The following PEAK1 variants were observed in gnomAD, a reference collection of about 807,000 sequenced individuals.
The protein encoded by PEAK1 is inactive tyrosine-protein kinase PEAK1.
A neutral mutation model predicts 124.7 loss-of-function variants in PEAK1; 54 were observed. The ratio of observed to expected loss-of-function variants is 0.43; its 90% confidence interval spans 0.35 to 0.54. The LOEUF (loss-of-function observed/expected upper bound fraction) is 0.54. Ranked by LOEUF, PEAK1 falls within the 20% of genes least tolerant of loss-of-function variation. The probability of loss-of-function intolerance (pLI) is 0.01; values close to 1 mark genes in which losing one functional copy is unlikely to be tolerated. For missense variants in PEAK1, 2,046 were observed against 2,134.5 expected, an observed-to-expected ratio of 0.96 and a Z score of 0.82; for synonymous variants, 719 against 760.0, an observed-to-expected ratio of 0.95 and a Z score of 0.89.
chr15:77,180,200 G>A lies in PEAK1; in HGVS notation c.1727C>T (p.Thr576Ile), dbSNP rs755314377. ...HKSAPTSPTATNISSKTIPVK... is the reference protein window; with the variant it reads ...HKSAPTSPTAINISSKTIPVK... ...AGGGATGGTTTTGGAGGAAATGTTT[G>A]TAGCTGTGGGTGATGTAGGTGCTGA... Residue 576 changes from threonine (T) to isoleucine (I), a missense_variant, in exon 7 of 10, where the codon ACA (threonine) becomes ATA (isoleucine). By Grantham distance (89) the Thr-to-Ile change is moderately conservative. Transcript: ENST00000682557. The A allele has an allele frequency of 6.2e-7, 1 of 1,614,206 alleles. No homozygotes were observed. Among genetic ancestry groups the A allele is most frequent in the Non-Finnish European group, 8.5e-7 (1 of 1,180,030 alleles).
chr15:77,185,742 T>C (rs2057513391), intron 6 of PEAK1, among the ~76,000 whole-genome samples: 1 of 152,170 alleles, frequency 6.6e-6, no homozygotes, highest in Non-Finnish European at 1.5e-5. Flanking sequence ...AGGATTTCCT[T>C]ATTTTAAGAT....
At chr15:77,397,212 G>C (rs1018387720) in intron 1 of PEAK1, among the ~76,000 whole-genome samples, 2 of 152,136 alleles carry the variant, frequency 1.3e-5, no homozygotes, top group African/African-American at 4.8e-5. Context: ...TGAATGACCA[G>C]TGGGTCAATG....
At chr15:77,291,809 C>G (rs1475935358) in intron 2 of PEAK1, among the ~76,000 whole-genome samples, 1 of 151,932 alleles carries the variant, frequency 6.6e-6, no homozygotes, top group Non-Finnish European at 1.5e-5. Flanking sequence ...AACCCCAACT[C>G]TACTAAAAAT....
At chr15:77,403,574 G>A in intron 1 of PEAK1, 3 of 967,582 alleles carry the variant, frequency 3.1e-6, no homozygotes, top group Non-Finnish European at 3.7e-6. Context: ...CATATATTCA[G>A]CCTCTGAGTC....
intron 1 of PEAK1, chr15:77,419,058 G>A (rs901817663): frequency 6.1e-6 from 6 of 985,368 alleles, no homozygotes; most frequent in African/African-American, 3.5e-5. Context: ...CAATAAAGAT[G>A]AAATCATAGT....
chr15:77,331,707 C>T (rs2065900570), intron 2 of PEAK1, among the ~76,000 whole-genome samples: 1 of 151,964 alleles, frequency 6.6e-6, no homozygotes, highest in African/African-American at 2.4e-5. Context: ...ACCTCCGCCT[C>T]CTGGGTCCAA....
chr15:77,315,760 C>T (rs2064831531), intron 2 of PEAK1, among the ~76,000 whole-genome samples: 1 of 151,748 alleles, frequency 6.6e-6, no homozygotes, highest in African/African-American at 2.4e-5. Context: ...TACAATATCC[C>T]TCACCAGTAC....
At chr15:77,332,252 T>C (rs2065933287) in intron 2 of PEAK1, 4 of 985,228 alleles carry the variant, frequency 4.1e-6, no homozygotes, top group Non-Finnish European at 2.4e-6. Context: ...AGTTGATTTT[T>C]TTCCCCCTGA....
intron 5 of PEAK1, among the ~76,000 whole-genome samples, chr15:77,257,942 A>G (rs568130152): frequency 2.0e-5 from 3 of 152,308 alleles, no homozygotes; most frequent in African/African-American, 7.2e-5. Context: ...AGCTTTCTAC[A>G]TATAGCTAGC....
intron 2 of PEAK1, among the ~76,000 whole-genome samples, chr15:77,318,715 CCTATT>C (rs1457522498): frequency 5.3e-5 from 8 of 151,374 alleles, no homozygotes; most frequent in African/African-American, 1.5e-4. Context: ...AGAATAAATA[CCTATT>C]CTAATTCTCC....
chr15:77,177,647 G>A (rs1016998275), intron 7 of PEAK1, among the ~76,000 whole-genome samples: 5 of 152,010 alleles, frequency 3.3e-5, no homozygotes, highest in African/African-American at 1.2e-4. Flanking sequence ...TAAGTAAGGA[G>A]GGAGAAGGAC....
intron 5 of PEAK1, among the ~76,000 whole-genome samples, chr15:77,281,349 CA>C (rs1436684487): frequency 6.6e-6 from 1 of 151,976 alleles, no homozygotes; most frequent in Non-Finnish European, 1.5e-5. Context: ...TCAATATAAT[CA>C]AAAAAATTTT....
chr15:77,313,658 G>C (rs1010077311), intron 2 of PEAK1, among the ~76,000 whole-genome samples: 2 of 104,186 alleles, frequency 1.9e-5, no homozygotes, highest in Non-Finnish European at 3.7e-5. Context: ...ATGTATGTGT[G>C]TGTGTGTGTG....
chr15:77,399,314 AC>A (rs1422141158), intron 1 of PEAK1, among the ~76,000 whole-genome samples: 4 of 152,194 alleles, frequency 2.6e-5, no homozygotes, highest in Admixed American at 6.5e-5. Context: ...ATAGAAAAAA[AC>A]AATTCTAAAA....
intron 8 of PEAK1, among the ~76,000 whole-genome samples, chr15:77,152,680 TGA>T (rs2054756034): frequency 1.3e-5 from 2 of 152,210 alleles, no homozygotes; most frequent in South Asian, 4.1e-4. Flanking sequence ...CCTCATTTAT[TGA>T]GAGTTTTTAG....
chr15:77,129,514 C>T (rs2052666393), intron 9 of PEAK1, among the ~76,000 whole-genome samples: 1 of 151,264 alleles, frequency 6.6e-6, no homozygotes, highest in Non-Finnish European at 1.5e-5. Context: ...CAGCTTACTG[C>T]AACCTCCGCC....
At chr15:77,255,157 A>G (rs1370237425) in intron 5 of PEAK1, among the ~76,000 whole-genome samples, 4 of 152,344 alleles carry the variant, frequency 2.6e-5, no homozygotes, top group East Asian at 3.9e-4. Flanking sequence ...TAAATTATCA[A>G]AACAACGAAT....
In PEAK1 at chr15:77,206,960, G is replaced by A. The variant is rs535203184; in HGVS notation, c.-114-24920C>T. On this transcript the variant is annotated intron_variant, in intron 6 of 9. Transcript: ENST00000682557. The stretch of plus-strand genomic sequence containing the variant: ...GAACAGAGCCCTCAGAAATAACGCC[G>A]CATACCTACAACTGTCTGATCTTTG... Among the ~76,000 whole-genome samples, 597 of 152,106 alleles carry A rather than the reference G, an allele frequency of 3.9e-3. 1 individual carries two copies. The highest frequency in any genetic ancestry group is 0.012 in the African/African-American group (513 of 41,482).
At chr15:77,231,943 T>A (rs748714013) in intron 6 of PEAK1, among the ~76,000 whole-genome samples, 2 of 152,156 alleles carry the variant, frequency 1.3e-5, no homozygotes, top group African/African-American at 4.8e-5. Flanking sequence ...CAGTGAAATT[T>A]GAAAAACAAA....
Sources: gnomAD v4.1 joint callset for allele counts (sites outside exome capture counted in the v4.1 genomes callset) on GRCh38, gnomAD v4.1.1 for gene constraint, MANE v1.5 for transcripts, NCBI Gene and HGNC (gene_info 2026-07-23, HGNC 2026-07-21) for gene names.